Variants in ELFN1 observed in about 807,000 individuals in gnomAD.
The protein encoded by ELFN1 is protein ELFN1.
In ELFN1, 6 loss-of-function variants were observed where a neutral mutation model predicts 7.6. That is an observed-to-expected ratio of 0.79 (90% CI 0.43 to 1.56). The LOEUF (loss-of-function observed/expected upper bound fraction) is 1.56. Ranked by LOEUF, ELFN1 falls within the 40% of genes most tolerant of loss-of-function variation. ELFN1 has a pLI of 0.01. For missense variants in ELFN1, 1,169 were observed against 1,232.2 expected (o/e 0.95, Z 0.77); for synonymous variants, 657 against 588.1 (o/e 1.12, Z -1.70).
chr7:1,693,982 A>G, intron 2 of ELFN1: 1 of 378,158 alleles, frequency 2.6e-6, no homozygotes. Context: ...TTGGAGCAAT[A>G]CAGCCCTGTC....
Position 1,747,140 on chromosome 7 carries a change from G to C in ELFN1, c.*57G>C. 7.1e-7 allele frequency: 1 copy of C among 1,418,160 alleles called. No individual in the cohort carries two copies. Among genetic ancestry groups the C allele is most frequent in the Non-Finnish European group, 9.3e-7 (1 of 1,080,876 alleles). 87.8% of individuals were successfully genotyped at this position (1,418,160 alleles called of 1,614,324 possible). On this transcript the variant is annotated 3_prime_UTR_variant, in exon 4 of 4. Transcript: ENST00000424383. ...AAAAAGGATGCAGGATCCACCCAGAGACTCAGCACCAAACCCAACACACGC... is the reference window on the plus strand; with the variant it reads ...AAAAAGGATGCAGGATCCACCCAGACACTCAGCACCAAACCCAACACACGC...
chr7:1,675,027 T>A (rs114800498), intron 1 of ELFN1, among the ~76,000 whole-genome samples: 1 of 149,610 alleles, frequency 6.7e-6, no homozygotes, highest in Non-Finnish European at 1.5e-5. Context: ...CATGCTGGGC[T>A]CCCCACACCT....
chr7:1,713,667 AG>A (rs1421516164), intron 3 of ELFN1, among the ~76,000 whole-genome samples: 1 of 152,104 alleles, frequency 6.6e-6, no homozygotes, highest in Non-Finnish European at 1.5e-5. Context: ...TGAAGGCAGC[AG>A]GGCCTGGGAG....
rs10276799 is a variant in ELFN1, at chr7:1,740,693, C to A, written c.-293-3611C>A. On this transcript the variant is annotated intron_variant, in intron 3 of 3. Coordinates refer to ENST00000424383, the MANE Select transcript of ELFN1 (RefSeq NM_001128636.4). The surrounding 1 kb of genome is among the most constrained non-coding windows in gnomAD (Gnocchi z 5.0). ...ACCCGGGCCACCCCCCGAACCCCTCCTAGCACAGCACCTGTCCAGCCTCTC... is the reference window on the plus strand; with the variant it reads ...ACCCGGGCCACCCCCCGAACCCCTCATAGCACAGCACCTGTCCAGCCTCTC... Among the ~76,000 whole-genome samples the A allele has an allele frequency of 6.6e-6, 1 of 152,142 alleles. No homozygotes were observed. Among genetic ancestry groups the A allele is most frequent in the Non-Finnish European group, 1.5e-5 (1 of 68,000 alleles).
chr7:1,705,489 C>T lies in ELFN1; in HGVS notation c.-455-3602C>T, dbSNP rs1289717678. Among the ~76,000 whole-genome samples, 4 of 152,184 alleles carry T rather than the reference C, an allele frequency of 2.6e-5. No individual in the cohort carries two copies. Among genetic ancestry groups the T allele is most frequent in the East Asian group, 1.9e-4 (1 of 5,180 alleles). On this transcript the variant is annotated intron_variant, in intron 2 of 3. Transcript: ENST00000424383. The surrounding 1 kb of genome is among the most constrained non-coding windows in gnomAD (Gnocchi z 4.3). ...CAGGGTGCCAGGGGAGTGAGTCCAG[C>T]GTGGCAGCCGCCACTGCCTGCCCGA...
chr7:1,734,820 C>T (rs1315001137), intron 3 of ELFN1, among the ~76,000 whole-genome samples: 1 of 152,064 alleles, frequency 6.6e-6, no homozygotes, highest in African/African-American at 2.4e-5. Flanking sequence ...GCCTCAGCCT[C>T]CCAAATAGCT....
At chr7:1,693,268 G>A (rs1448796295) in intron 2 of ELFN1, 2 of 445,404 alleles carry the variant, frequency 4.5e-6, no homozygotes, top group Non-Finnish European at 9.5e-6. Flanking sequence ...GTTAGGAAGA[G>A]AGGATGTACT....
intron 3 of ELFN1, among the ~76,000 whole-genome samples, chr7:1,727,255 T>A (rs1281130742): frequency 1.3e-5 from 2 of 152,224 alleles, no homozygotes; most frequent in African/African-American, 4.8e-5. Context: ...GCCAGGCCTC[T>A]CCACCATGCA....
intron 3 of ELFN1, among the ~76,000 whole-genome samples, chr7:1,725,366 C>T (rs1484928055): frequency 4.0e-5 from 6 of 149,742 alleles, no homozygotes; most frequent in South Asian, 2.2e-4. Context: ...GACAGTGGGA[C>T]GGGACAGGGC....
intron 3 of ELFN1, among the ~76,000 whole-genome samples, chr7:1,738,177 C>T (rs1280996836): frequency 3.3e-5 from 5 of 152,218 alleles, no homozygotes; most frequent in East Asian, 3.9e-4. Flanking sequence ...CCACGGAGGG[C>T]GCGTGGTCCC....
intron 2 of ELFN1, among the ~76,000 whole-genome samples, chr7:1,691,407 A>T (rs181670692): frequency 5.8e-4 from 89 of 152,300 alleles, no homozygotes; most frequent in African/African-American, 2.1e-3. Flanking sequence ...ATTGAGCACC[A>T]GCTGTTTTTG....
chr7:1,672,086 G>C (rs1256957651), intron 1 of ELFN1, among the ~76,000 whole-genome samples: 1 of 152,170 alleles, frequency 6.6e-6, no homozygotes, highest in Non-Finnish European at 1.5e-5. Flanking sequence ...TGCTGTGTGC[G>C]TATAATTCAG....
At chr7:1,690,124 G>A (rs1444211213) in intron 2 of ELFN1, among the ~76,000 whole-genome samples, 3 of 151,902 alleles carry the variant, frequency 2.0e-5, no homozygotes, top group African/African-American at 7.3e-5. Flanking sequence ...TGGGCGGGTG[G>A]ATGGATGAGC....
rs778998605 is a variant in ELFN1 at position 1,740,417 on chromosome 7, G to C, written c.-293-3887G>C. On this transcript the variant is annotated intron_variant, in intron 3 of 3. Coordinates refer to ENST00000424383, the MANE Select transcript of ELFN1 (RefSeq NM_001128636.4). This position sits in a 1 kb window ranked among gnomAD's most constrained non-coding sequence, Gnocchi z 5.0. ...TGCGGGGTCTCCGCACCTGCCCTCC[G>C]TGCCAGACAGCACTCCTTTCTAGAA... is the stretch of plus-strand genomic sequence containing the variant. 6.6e-6 allele frequency among the ~76,000 whole-genome samples: 1 copy of C among 152,252 alleles called. No individual in the cohort carries two copies. The highest frequency in any genetic ancestry group is 1.5e-5 in the Non-Finnish European group (1 of 68,036).
At chr7:1,669,713 G>A (rs2128571857), upstream of ELFN1, among the ~76,000 whole-genome samples, 1 of 152,346 alleles carries the variant, frequency 6.6e-6, no homozygotes, top group Admixed American at 6.5e-5. Context: ...GGCAGAGGAG[G>A]CCCGGCCTGC....
At position 1,705,797 on chromosome 7, in the gene ELFN1, G is replaced by A. The variant is rs546765491; in HGVS notation, c.-455-3294G>A. 2.7e-4 allele frequency among the ~76,000 whole-genome samples: 41 copies of A among 152,250 alleles called. No homozygotes were observed. Among genetic ancestry groups the A allele is most frequent in the African/African-American group, 7.7e-4 (32 of 41,550 alleles). Reference sequence around the variant, plus strand: ...GTCTTAGTGTCCCGGGATGGTCCTCGGGGAGGTCTGATGAGCCCCCGAATA... The same window carrying A: ...GTCTTAGTGTCCCGGGATGGTCCTCAGGGAGGTCTGATGAGCCCCCGAATA... On this transcript the variant is annotated intron_variant, in intron 2 of 3. Transcript: ENST00000424383. The surrounding 1 kb of genome is among the most constrained non-coding windows in gnomAD (Gnocchi z 4.3).
In ELFN1 at chr7:1,679,147, GCA is replaced by G. The variant is rs960588983; in HGVS notation, c.-549+8803_-549+8804del. ...CCCACATACACACACACGCGTGCGCGCACACACACACGCGTGCACACACGTAC... is the reference window on the plus strand; with the variant it reads ...CCCACATACACACACACGCGTGCGCGCACACACACGCGTGCACACACGTAC... On this transcript the variant is annotated intron_variant, in intron 1 of 3. Transcript: ENST00000424383. Among the ~76,000 whole-genome samples the G allele has an allele frequency of 2.8e-4, 42 of 151,454 alleles. 1 individual carries two copies. Among genetic ancestry groups the G allele is most frequent in the South Asian group, 2.1e-3 (10 of 4,792 alleles).
Position 1,740,221 on chromosome 7 carries a change from G to A in ELFN1, c.-293-4083G>A, listed in dbSNP as rs1173004935. On this transcript the variant is annotated intron_variant, in intron 3 of 3. Transcript: ENST00000424383. This position sits in a 1 kb window ranked among gnomAD's most constrained non-coding sequence, Gnocchi z 5.0. ...CTGGGAGCAGGTGCAGATGGGCTGA[G>A]AGGAAGGGAGCTCCTTTCAGGCAGT... is the stretch of plus-strand genomic sequence containing the variant. 6.6e-6 allele frequency among the ~76,000 whole-genome samples: 1 copy of A among 152,184 alleles called. No individual in the cohort carries two copies. Among genetic ancestry groups the A allele is most frequent in the Non-Finnish European group, 1.5e-5 (1 of 68,028 alleles).
chr7:1,670,283 G>C lies in ELFN1; in HGVS notation c.-620G>C, dbSNP rs1468612051. On this transcript the variant is annotated 5_prime_UTR_variant, in exon 1 of 4. Coordinates refer to ENST00000424383, the MANE Select transcript of ELFN1 (RefSeq NM_001128636.4). This position sits in a 1 kb window ranked among gnomAD's most constrained non-coding sequence, Gnocchi z 6.4. ...GAAGCTGGGGAGGAATTTCAATCCC[G>C]GGAGCGAAGTTAGAGCTTGAAGGAC... 2.0e-5 allele frequency among the ~76,000 whole-genome samples: 3 copies of C among 151,874 alleles called. No homozygotes were observed. The highest frequency in any genetic ancestry group is 4.4e-5 in the Non-Finnish European group (3 of 67,852).
Sources: gnomAD v4.1 joint callset for allele counts (sites outside exome capture counted in the v4.1 genomes callset) on GRCh38, gnomAD v4.1.1 for gene constraint, Gnocchi (gnomAD v3.1) non-coding constraint, MANE v1.5 for transcripts, NCBI Gene and HGNC (gene_info 2026-07-23, HGNC 2026-07-21) for gene names.